The following SCFD1 variants were observed in gnomAD, a reference collection of about 807,000 sequenced individuals.
SCFD1 encodes sec1 family domain containing 1.
A neutral mutation model predicts 103.2 loss-of-function variants in SCFD1; 37 were observed. That is an observed-to-expected ratio of 0.36 (90% CI 0.28 to 0.47). SCFD1 has a LOEUF of 0.47. Ranked by LOEUF, SCFD1 falls within the 20% of genes least tolerant of loss-of-function variation. The pLI is 1.00. For synonymous variants in SCFD1, 264 were observed against 245.0 expected (o/e 1.08, Z -0.73); for missense variants, 639 against 761.2 (o/e 0.84, Z 1.89).
At chr14:30,717,082 A>C (rs536762350) in intron 20 of SCFD1, among the ~76,000 whole-genome samples, 1 of 152,338 alleles carries the variant, frequency 6.6e-6, no homozygotes, top group Non-Finnish European at 1.5e-5. Flanking sequence ...CCTAATAGGC[A>C]ATAAACTTCC....
chr14:30,647,753 C>T (rs1035733982), intron 7 of SCFD1, among the ~76,000 whole-genome samples: 2 of 152,074 alleles, frequency 1.3e-5, no homozygotes, highest in Non-Finnish European at 2.9e-5. Flanking sequence ...CAGGTTCAAG[C>T]GATTCTCCTG....
At position 30,630,562 on chromosome 14, in the gene SCFD1, A is replaced by T. The variant is rs765449151; in HGVS notation, c.218A>T (p.His73Leu). The change falls in exon 3 of 25, where the codon CAT (histidine) becomes CTT (leucine). Residue 73 changes from histidine to leucine, a missense_variant. His to Leu is a moderately conservative substitution (Grantham distance 99, BLOSUM62 -3). Transcript: ENST00000458591. ...KELRDMGITL[H>L]LLLHSDRDPI... is the part of the protein sequence containing the mutation. ...CTAAGAGACATGGGAATCACTCTGC[A>T]TCTGTGAGTTTTTACATATTTCTAA... The T allele has an allele frequency of 6.4e-7, 1 of 1,553,388 alleles. No individual in the cohort carries two copies.
intron 14 of SCFD1, 37 bp from the exon 15 acceptor site, chr14:30,694,736 C>A: frequency 1.3e-6 from 2 of 1,547,322 alleles, no homozygotes; most frequent in African/African-American, 2.8e-5. Context: ...ATTTTAATGA[C>A]TTAATATATT....
intron 2 of SCFD1, 33 bp downstream of exon 2, chr14:30,628,312 G>GT (rs1883737563): frequency 7.0e-7 from 1 of 1,428,572 alleles, no homozygotes; most frequent in Non-Finnish European, 9.8e-7. Flanking sequence ...ACTGATTTCT[G>GT]TTTTTCTCAG....
In SCFD1 at chr14:30,732,318, T is replaced by C. The variant is rs140490480; in HGVS notation, c.1837-2472T>C. On this transcript the variant is annotated intron_variant, in intron 23 of 24. Transcript: ENST00000458591. Reference sequence around the variant, plus strand: ...TGCCCTGGCTAGAACCTTCAGTACATTGTTGAATAGAAGAGGCAAGAGCAG... The same window carrying C: ...TGCCCTGGCTAGAACCTTCAGTACACTGTTGAATAGAAGAGGCAAGAGCAG... Among the ~76,000 whole-genome samples the C allele has an allele frequency of 1.8e-3, 281 of 152,330 alleles. 2 individuals are homozygous for C. Among genetic ancestry groups the C allele is most frequent in the African/African-American group, 6.6e-3 (276 of 41,572 alleles).
At chr14:30,659,599 C>T (rs1467223950) in intron 10 of SCFD1, among the ~76,000 whole-genome samples, 2 of 152,082 alleles carry the variant, frequency 1.3e-5, no homozygotes, top group Non-Finnish European at 2.9e-5. Flanking sequence ...TGGGAGGGTT[C>T]CAGCTCATGA....
chr14:30,650,293 C>T (rs967161697), intron 8 of SCFD1, among the ~76,000 whole-genome samples: 11 of 152,032 alleles, frequency 7.2e-5, no homozygotes, highest in Admixed American at 6.5e-5. Flanking sequence ...TACTGCAAAT[C>T]GTTTCCCATA....
intron 11 of SCFD1, among the ~76,000 whole-genome samples, chr14:30,672,583 A>G (rs1888655095): frequency 6.6e-6 from 1 of 152,218 alleles, no homozygotes; most frequent in Non-Finnish European, 1.5e-5. Context: ...TTTAATGATC[A>G]ACATGTATTC....
chr14:30,706,030 G>GT (rs1891444814), intron 18 of SCFD1, 145 bp downstream of exon 18: 10 of 548,440 alleles, frequency 1.8e-5, no homozygotes, highest in Admixed American at 3.8e-5. Context: ...AAGTTCTCCT[G>GT]GTTTTTTTTT....
chr14:30,734,955 C>T (rs1893734364), intron 24 of SCFD1, 97 bp downstream of exon 24: 2 of 908,074 alleles, frequency 2.2e-6, no homozygotes, highest in African/African-American at 3.3e-5. Flanking sequence ...CTCACCTGAA[C>T]CAGCCGAAAC....
intron 4 of SCFD1, among the ~76,000 whole-genome samples, chr14:30,635,602 C>T (rs979817573): frequency 6.6e-6 from 1 of 152,084 alleles, no homozygotes; most frequent in African/African-American, 2.4e-5. Context: ...TATTCCTTTT[C>T]GTGGCTGAAT....
chr14:30,629,828 G>A (rs1036912762), intron 2 of SCFD1, among the ~76,000 whole-genome samples: 24 of 151,882 alleles, frequency 1.6e-4, no homozygotes, highest in African/African-American at 5.1e-4. Flanking sequence ...CGCCCACCTC[G>A]GCCTCCAAAA....
intron 10 of SCFD1, among the ~76,000 whole-genome samples, chr14:30,667,604 G>A (rs1594652972): frequency 6.6e-6 from 1 of 152,142 alleles, no homozygotes; most frequent in African/African-American, 2.4e-5. Context: ...TAGGAAAAGA[G>A]GAAGTCAAAT....
intron 23 of SCFD1, among the ~76,000 whole-genome samples, chr14:30,731,859 T>C (rs534090632): frequency 7.7e-4 from 117 of 152,214 alleles, no homozygotes; most frequent in Non-Finnish European, 1.4e-3. Flanking sequence ...TTCTCCTGCC[T>C]GATTGCCCTG....
At chr14:30,637,032 G>A (rs1259601670) in intron 4 of SCFD1, among the ~76,000 whole-genome samples, 1 of 151,912 alleles carries the variant, frequency 6.6e-6, no homozygotes, top group East Asian at 1.9e-4. Context: ...GAGGAGCTCT[G>A]GTTGCTTTCT....
chr14:30,654,605 C>T (rs1470939913), intron 10 of SCFD1, among the ~76,000 whole-genome samples: 1 of 149,442 alleles, frequency 6.7e-6, no homozygotes, highest in Non-Finnish European at 1.5e-5. Context: ...ACCCAGGAGG[C>T]GGAGGTTGCA....
chr14:30,645,426 G>A (rs902760758), intron 7 of SCFD1, among the ~76,000 whole-genome samples: 3 of 152,178 alleles, frequency 2.0e-5, no homozygotes, highest in Non-Finnish European at 4.4e-5. Context: ...TGCTTTGGCA[G>A]TGTGGCCATT....
intron 14 of SCFD1, chr14:30,683,683 A>C (rs1889682901): frequency 5.5e-6 from 1 of 181,970 alleles, no homozygotes; most frequent in East Asian, 1.8e-4. Context: ...ATTACGTCGT[A>C]GGTAGATTTC....
At chr14:30,730,555 C>G (rs2139440477) in intron 23 of SCFD1, among the ~76,000 whole-genome samples, 1 of 152,298 alleles carries the variant, frequency 6.6e-6, no homozygotes, top group South Asian at 2.1e-4. Flanking sequence ...GCCATTCTAA[C>G]TGGTGTGAGA....
Sources: gnomAD v4.1 joint callset for allele counts (sites outside exome capture counted in the v4.1 genomes callset) on GRCh38, gnomAD v4.1.1 for gene constraint, MANE v1.5 for transcripts, NCBI Gene and HGNC (gene_info 2026-07-23, HGNC 2026-07-21) for gene names.